Variants in PICALM observed in about 807,000 individuals in gnomAD.
PICALM encodes phosphatidylinositol-binding clathrin assembly protein.
Under a neutral mutation model 80.5 loss-of-function variants are expected in PICALM, and 40 were observed. The observed-to-expected ratio is 0.50, with a 90% CI of 0.39 to 0.65. The LOEUF (loss-of-function observed/expected upper bound fraction) is 0.65, where lower values mean the gene tolerates loss of function less well. PICALM is among the 30% of genes least tolerant of loss of function. The pLI, the probability that PICALM is intolerant of heterozygous loss-of-function variation, is 0.00. For missense variants in PICALM, 676 were observed against 778.9 expected (o/e 0.87, Z 1.57); for synonymous variants, 288 against 260.3 (o/e 1.11, Z -1.02).
rs563238246 is a variant in PICALM, at chr11:86,052,085, C to T, written c.130+16566G>A. ...CTCTGTGTCCCTACCCAAATCTCAC[C>T]TTGAGTTGTAATAATACCCATGTGA... On this transcript the variant is annotated intron_variant, in intron 1 of 19. Transcript: ENST00000393346. Among the ~76,000 whole-genome samples the T allele has an allele frequency of 2.0e-5, 3 of 152,318 alleles. No homozygotes were observed. The South Asian group carries it at 6.2e-4, about 32-fold the overall frequency.
At chr11:86,060,336 T>C (rs570194335) in intron 1 of PICALM, among the ~76,000 whole-genome samples, 31 of 152,332 alleles carry the variant, frequency 2.0e-4, no homozygotes, top group African/African-American at 7.5e-4. Flanking sequence ...CATTAATTCA[T>C]TTGAAAAATA....
chr11:85,975,773 T>C (rs923743406), intron 18 of PICALM, among the ~76,000 whole-genome samples: 2 of 152,004 alleles, frequency 1.3e-5, no homozygotes, highest in Non-Finnish European at 2.9e-5. Flanking sequence ...ATTTTTGTAT[T>C]TTTAGTAGAG....
At position 86,069,026 on chromosome 11, in the gene PICALM, T is replaced by C; in HGVS notation, c.-246A>G. 2.1e-6 allele frequency: 1 copy of C among 482,488 alleles called. No individual in the cohort carries two copies. The highest frequency in any genetic ancestry group is 3.8e-5 in the Admixed American group (1 of 26,076). The allele number at this position is 482,488 out of a possible 1,614,324, so 29.9% of individuals were successfully genotyped here. On this transcript the variant is annotated 5_prime_UTR_variant, in exon 1 of 20. Coordinates refer to ENST00000393346, the MANE Select transcript of PICALM (RefSeq NM_007166.4). ...CCCCCGCCTCAGTTCAGCCCACCCCTTCCCGGGTCAGCTGGAGCCGGGCAG... is the reference window on the plus strand; with the variant it reads ...CCCCCGCCTCAGTTCAGCCCACCCCCTCCCGGGTCAGCTGGAGCCGGGCAG...
At chr11:86,001,326 C>T (rs1419404921) in intron 9 of PICALM, among the ~76,000 whole-genome samples, 168 bp from the exon 10 acceptor site, 1 of 152,184 alleles carries the variant, frequency 6.6e-6, no homozygotes, top group Admixed American at 6.5e-5. Flanking sequence ...TAGTGATCTA[C>T]AGGATTAAAG....
chr11:85,985,770 T>A (rs1374694149), intron 13 of PICALM, among the ~76,000 whole-genome samples: 4 of 152,240 alleles, frequency 2.6e-5, no homozygotes, highest in Non-Finnish European at 5.9e-5. Context: ...ACAAACAATG[T>A]TCTTTAAATC....
intron 13 of PICALM, among the ~76,000 whole-genome samples, chr11:85,986,365 ATTTTTTTTTTTTTTTTTTTTTT>A (rs775072780): frequency 8.1e-5 from 6 of 73,752 alleles, no homozygotes; most frequent in Admixed American, 1.9e-4. Context: ...CCAACTTTTA[ATTTTTTTTTTTTTTTTTTTTTT>A]TTTTTTTTTT....
At chr11:86,048,389 A>G (rs2096114687) in intron 1 of PICALM, among the ~76,000 whole-genome samples, 1 of 152,190 alleles carries the variant, frequency 6.6e-6, no homozygotes. Context: ...AGTATTTTGC[A>G]AGAATACGAT....
chr11:85,990,928 G>A (rs553368587), intron 12 of PICALM, among the ~76,000 whole-genome samples: 91 of 152,240 alleles, frequency 6.0e-4, no homozygotes, highest in African/African-American at 2.0e-3. Context: ...AAGGATGGGG[G>A]AAAGAATTTT....
At chr11:86,023,204 T>G (rs183372596) in intron 3 of PICALM, among the ~76,000 whole-genome samples, 4 of 152,326 alleles carry the variant, frequency 2.6e-5, no homozygotes, top group Admixed American at 2.0e-4. Flanking sequence ...TGAACCCATT[T>G]TATCTCATAT....
intron 12 of PICALM, among the ~76,000 whole-genome samples, chr11:85,993,417 T>C (rs896184616): frequency 3.3e-5 from 5 of 152,090 alleles, no homozygotes; most frequent in Admixed American, 2.6e-4. Flanking sequence ...TGTCCCTTTT[T>C]TTTTCATTAT....
intron 3 of PICALM, 106 bp downstream of exon 3, chr11:86,026,185 AT>A: frequency 1.6e-6 from 1 of 643,092 alleles, no homozygotes; most frequent in Non-Finnish European, 2.8e-6. Context: ...TCACTAAAAT[AT>A]AAGGTTTAAA....
chr11:86,067,337 T>A (rs2096461303), intron 1 of PICALM, among the ~76,000 whole-genome samples: 1 of 152,170 alleles, frequency 6.6e-6, no homozygotes, highest in South Asian at 2.1e-4. Flanking sequence ...ATGTGTCCAG[T>A]CATTTAAAAA....
intron 13 of PICALM, among the ~76,000 whole-genome samples, chr11:85,987,099 A>C (rs2094595800): frequency 6.6e-6 from 1 of 152,266 alleles, no homozygotes; most frequent in African/African-American, 2.4e-5. Context: ...GTTTCACAAT[A>C]AATTAGGACT....
At chr11:86,059,466 G>C (rs543512871) in intron 1 of PICALM, among the ~76,000 whole-genome samples, 1 of 152,266 alleles carries the variant, frequency 6.6e-6, no homozygotes, top group East Asian at 1.9e-4. Context: ...TTATGAAAGC[G>C]GTTACCTTAA....
chr11:86,009,242 G>A lies in PICALM; in HGVS notation c.766-1659C>T, dbSNP rs1454079413. Among the ~76,000 whole-genome samples, 10 of 122,928 alleles carry A rather than the reference G, an allele frequency of 8.1e-5. No individual in the cohort carries two copies. In the South Asian group the frequency reaches 1.6e-3, roughly 20 times the overall value. The allele number at this position is 122,928 out of a possible 152,430, so 80.6% of individuals were successfully genotyped here. ...TGGGAGGCAGAGGTTGCAGCGAGAC[G>A]AGACCATGCCATGGCACTCCAGCCT... On this transcript the variant is annotated intron_variant, in intron 7 of 19. Transcript: ENST00000393346.
chr11:86,007,530 C>T lies in PICALM; in HGVS notation c.807+12G>A. On this transcript the variant is annotated intron_variant, in intron 8 of 19. Coordinates refer to ENST00000393346, the MANE Select transcript of PICALM (RefSeq NM_007166.4). ...AACAGATAGTGGATTGGTATTTTAACAATAAACTTACCTGTGAAAGGTCTG... is the reference window on the plus strand; with the variant it reads ...AACAGATAGTGGATTGGTATTTTAATAATAAACTTACCTGTGAAAGGTCTG... 6.8e-7 allele frequency: 1 copy of T among 1,472,304 alleles called. No individual in the cohort carries two copies. Among genetic ancestry groups the T allele is most frequent in the Non-Finnish European group, 9.5e-7 (1 of 1,056,288 alleles). The allele number at this position is 1,472,304 out of a possible 1,614,324, so 91.2% of individuals were successfully genotyped here.
intron 11 of PICALM, among the ~76,000 whole-genome samples, chr11:85,998,794 T>C (rs979379824): frequency 6.6e-6 from 1 of 151,592 alleles, no homozygotes; most frequent in African/African-American, 2.4e-5. Flanking sequence ...GAGAGAGAGA[T>C]TGAGAGAGAA....
At chr11:86,036,221 C>G (rs957524224) in intron 1 of PICALM, among the ~76,000 whole-genome samples, 1 of 152,070 alleles carries the variant, frequency 6.6e-6, no homozygotes, top group Admixed American at 6.6e-5. Flanking sequence ...ATAGGCTAAT[C>G]AAAGTTAAAC....
intron 19 of PICALM, among the ~76,000 whole-genome samples, chr11:85,972,663 G>T (rs1173336065): frequency 6.6e-6 from 1 of 152,072 alleles, no homozygotes; most frequent in Non-Finnish European, 1.5e-5. Flanking sequence ...GTAGTCGAAG[G>T]TCCCTAATAA....
Sources: gnomAD v4.1 joint callset for allele counts (sites outside exome capture counted in the v4.1 genomes callset) on GRCh38, gnomAD v4.1.1 for gene constraint, MANE v1.5 for transcripts, NCBI Gene and HGNC (gene_info 2026-07-23, HGNC 2026-07-21) for gene names.